Variants in NEIL3 observed in about 807,000 individuals in gnomAD.
The protein encoded by NEIL3 is nei like DNA glycosylase 3.
In NEIL3, 48 loss-of-function variants were observed where a neutral mutation model predicts 57.5. That is an observed-to-expected ratio of 0.83 (90% CI 0.66 to 1.06). The LOEUF is 1.06. Ranked by LOEUF, NEIL3 falls within the 50% of genes least tolerant of loss-of-function variation. The pLI is 0.00. For synonymous variants in NEIL3, 261 were observed against 253.2 expected (o/e 1.03, Z -0.29); for missense variants, 717 against 739.1 (o/e 0.97, Z 0.35).
intron 1 of NEIL3, among the ~76,000 whole-genome samples, chr4:177,319,617 C>G (rs1430048440): frequency 6.6e-6 from 1 of 152,036 alleles, no homozygotes; most frequent in East Asian, 1.9e-4. Flanking sequence ...TCTGTCCCTC[C>G]CCGCAAGTCC....
At chr4:177,330,620 A>G (rs1734867889) in intron 2 of NEIL3, among the ~76,000 whole-genome samples, 2 of 152,216 alleles carry the variant, frequency 1.3e-5, no homozygotes, top group Non-Finnish European at 1.5e-5. Context: ...AAAATGTAAT[A>G]AAAATGATAA....
intron 2 of NEIL3, among the ~76,000 whole-genome samples, chr4:177,327,133 A>C (rs1201442386): frequency 2.0e-5 from 3 of 152,188 alleles, no homozygotes; most frequent in African/African-American, 7.2e-5. Flanking sequence ...TCCTGCTGCC[A>C]TCTGAAGAAG....
chr4:177,352,713 C>G (rs956632593), intron 7 of NEIL3, among the ~76,000 whole-genome samples: 1 of 151,864 alleles, frequency 6.6e-6, no homozygotes, highest in South Asian at 2.1e-4. Context: ...GCCCGTAATC[C>G]CAGCTACTCG....
intron 8 of NEIL3, among the ~76,000 whole-genome samples, chr4:177,354,887 T>C (rs1298802808): frequency 6.6e-6 from 1 of 152,246 alleles, no homozygotes; most frequent in Non-Finnish European, 1.5e-5. Flanking sequence ...ATATATTTTA[T>C]AGGACTTCCA....
intron 2 of NEIL3, among the ~76,000 whole-genome samples, chr4:177,324,393 C>A (rs1002315218): frequency 1.3e-5 from 2 of 151,896 alleles, no homozygotes; most frequent in Admixed American, 6.6e-5. Flanking sequence ...CCATGAATCT[C>A]CTGGGATTCA....
At chr4:177,369,626 G>C in the NEIL3 span, among the ~76,000 whole-genome samples, 1 of 152,124 alleles carries the variant, frequency 6.6e-6, no homozygotes, top group Non-Finnish European at 1.5e-5. Flanking sequence ...GTGGGAGATG[G>C]TATGCATGGT....
At chr4:177,325,176 C>T (rs78374277) in intron 2 of NEIL3, among the ~76,000 whole-genome samples, 12,244 of 152,086 alleles carry the variant, frequency 0.081, 764 homozygotes, top group East Asian at 0.28. Context: ...GAACCTCAAA[C>T]CAGTTATGCA....
Position 177,326,568 on chromosome 4 carries a change from C to T in NEIL3, c.278+3988C>T, listed in dbSNP as rs1560910463. On this transcript the variant is annotated intron_variant, in intron 2 of 9. Transcript: ENST00000264596. The stretch of plus-strand genomic sequence containing the variant: ...TTTAGTTATCTTTCTACATTTTAGA[C>T]TTAGCTTGTTGATTTCTACAGAGTT... Among the ~76,000 whole-genome samples, 3 of 151,140 alleles carry T rather than the reference C, an allele frequency of 2.0e-5. No individual in the cohort carries two copies. The South Asian group carries it at 6.3e-4, about 31-fold the overall frequency.
chr4:177,339,025 C>T (rs1198607502), intron 4 of NEIL3, among the ~76,000 whole-genome samples: 1 of 152,072 alleles, frequency 6.6e-6, no homozygotes, highest in African/African-American at 2.4e-5. Flanking sequence ...CAAAATATAA[C>T]TACTGTTAAT....
At position 177,361,037 on chromosome 4, in the gene NEIL3, A is replaced by G. The variant is rs34645588; in HGVS notation, c.1635+360A>G. Among the ~76,000 whole-genome samples, 1,077 of 152,334 alleles carry G rather than the reference A, an allele frequency of 7.1e-3. 17 individuals carry two copies. Among genetic ancestry groups the G allele is most frequent in the African/African-American group, 0.024 (990 of 41,576 alleles). ...ATTTGTTCTTCCTAACTTCAGCGCTACATCAAAACCTTTGGTTTATGCATT... is the reference window on the plus strand; with the variant it reads ...ATTTGTTCTTCCTAACTTCAGCGCTGCATCAAAACCTTTGGTTTATGCATT... On this transcript the variant is annotated intron_variant, in intron 9 of 9. Transcript: ENST00000264596.
the NEIL3 span, among the ~76,000 whole-genome samples, chr4:177,369,170 CAG>C: frequency 1.3e-5 from 2 of 152,108 alleles, no homozygotes; most frequent in African/African-American, 4.8e-5. Flanking sequence ...CTAAAGGTTG[CAG>C]AGAGGGAAAT....
intron 1 of NEIL3, among the ~76,000 whole-genome samples, chr4:177,317,591 T>C (rs554767757): frequency 2.5e-5 from 3 of 120,414 alleles, no homozygotes; most frequent in African/African-American, 6.3e-5. Flanking sequence ...GTTAGAACTT[T>C]CTTTTCTTTT....
chr4:177,332,428 T>C (rs1415883060), intron 2 of NEIL3, among the ~76,000 whole-genome samples: 1 of 152,140 alleles, frequency 6.6e-6, no homozygotes, highest in Non-Finnish European at 1.5e-5. Context: ...TGTTATTCAG[T>C]ATAAGACATA....
chr4:177,363,558 A>G (rs1023979267), downstream of NEIL3, among the ~76,000 whole-genome samples: 7 of 152,200 alleles, frequency 4.6e-5, no homozygotes, highest in African/African-American at 1.7e-4. Context: ...GTACATAGAG[A>G]GTACATTAGG....
At chr4:177,359,938 C>G (rs75019971) in intron 8 of NEIL3, among the ~76,000 whole-genome samples, 1 of 152,192 alleles carries the variant, frequency 6.6e-6, no homozygotes, top group Admixed American at 6.5e-5. Flanking sequence ...TGCCAGGCAG[C>G]CTGTTTCTTG....
At chr4:177,370,011 C>T in the NEIL3 span, among the ~76,000 whole-genome samples, 2 of 152,156 alleles carry the variant, frequency 1.3e-5, no homozygotes, top group Non-Finnish European at 2.9e-5. Context: ...AGGACCTGAA[C>T]TACACCCTAC....
chr4:177,341,522 A>C lies in NEIL3; in HGVS notation c.749A>C (p.Lys250Thr). ...CTCTCTAAACACTATAAGGTTTACA[A>C]GCGTCCTAATTGTGGTCAGTGCCAC... ...LALSKHYKVY[K>T]RPNCGQCHCR... Residue 250 changes from lysine (K) to threonine (T), a missense_variant, in exon 6 of 10, where the codon AAG (lysine) becomes ACG (threonine). Lys to Thr is a moderately conservative substitution (Grantham distance 78, BLOSUM62 -1). Transcript: ENST00000264596. The C allele has an allele frequency of 6.2e-7, 1 of 1,613,508 alleles. No homozygotes were observed. The highest frequency in any genetic ancestry group is 8.5e-7 in the Non-Finnish European group (1 of 1,179,832).
chr4:177,335,133 T>A (rs1453736903), intron 2 of NEIL3, among the ~76,000 whole-genome samples: 1 of 152,104 alleles, frequency 6.6e-6, no homozygotes, highest in African/African-American at 2.4e-5. Context: ...ATAAAAAAAA[T>A]TGTTTCATTG....
chr4:177,314,838 G>A (rs1734542761), intron 1 of NEIL3, among the ~76,000 whole-genome samples: 1 of 152,140 alleles, frequency 6.6e-6, no homozygotes, highest in African/African-American at 2.4e-5. Context: ...AGCACTTTGG[G>A]AGGCTGAGGC....
Sources: allele counts gnomAD v4.1 joint callset (sites outside exome capture counted in the v4.1 genomes callset), GRCh38; gene constraint gnomAD v4.1.1; transcripts MANE v1.5; gene names NCBI Gene and HGNC (gene_info 2026-07-23, HGNC 2026-07-21).